The following EPHA6 variants were observed in gnomAD, a reference collection of about 807,000 sequenced individuals.
EPHA6 encodes the protein ephrin type-A receptor 6.
Under a neutral mutation model 112.0 loss-of-function variants are expected in EPHA6, and 50 were observed. That is an observed-to-expected ratio of 0.45 (90% CI 0.36 to 0.56). EPHA6 has a LOEUF of 0.56. Among genes scored for constraint, EPHA6 ranks in the 20% least tolerant of loss-of-function variants. EPHA6 has a pLI of 0.00. For synonymous variants in EPHA6, 529 were observed against 490.7 expected (o/e 1.08, Z -1.03); for missense variants, 1,280 against 1,417.4 (o/e 0.90, Z 1.56).
Position 97,749,238 on chromosome 3 carries a change from A to G in EPHA6, c.*537A>G, listed in dbSNP as rs1206387910. 2 of 218,316 alleles carry G rather than the reference A, an allele frequency of 9.2e-6. No homozygotes were observed. Among genetic ancestry groups the G allele is most frequent in the Non-Finnish European group, 1.8e-5 (2 of 108,770 alleles). The allele number at this position is 218,316 out of a possible 1,614,324, so 13.5% of individuals were successfully genotyped here. A position where few individuals can be genotyped will look rare whatever the true frequency, so the allele number is the denominator to read the frequency against. On this transcript the variant is annotated 3_prime_UTR_variant, in exon 18 of 18. Transcript: ENST00000389672. ...CTGATATTGTTAGAATTATTTGCAG[A>G]AATGACCAGTGATATCATGTAATGA...
At chr3:97,032,570 T>C (rs944436353) in intron 3 of EPHA6, among the ~76,000 whole-genome samples, 1 of 152,018 alleles carries the variant, frequency 6.6e-6, no homozygotes, top group Non-Finnish European at 1.5e-5. Context: ...AATTCCTATT[T>C]TGTGTATTTA....
Position 97,489,459 on chromosome 3 carries a change from G to A in EPHA6, c.2200+5400G>A, listed in dbSNP as rs1271686688. On this transcript the variant is annotated intron_variant, in intron 10 of 17. Coordinates refer to ENST00000389672, the MANE Select transcript of EPHA6 (RefSeq NM_001080448.3). ...CCAGCATGTTGGGAGGCCCAGGCGG[G>A]TGGATCACGAGGTCAGGAGATCAAG... Among the ~76,000 whole-genome samples the A allele has an allele frequency of 2.0e-5, 3 of 152,308 alleles. No homozygotes were observed. In the East Asian group the frequency reaches 5.8e-4, roughly 29 times the overall value.
At chr3:97,389,497 T>TA (rs1392451531) in intron 5 of EPHA6, among the ~76,000 whole-genome samples, 1 of 152,212 alleles carries the variant, frequency 6.6e-6, no homozygotes, top group African/African-American at 2.4e-5. Context: ...TTTATTTTCA[T>TA]ACCTACTATA....
At chr3:97,401,594 C>A (rs191306223) in intron 5 of EPHA6, among the ~76,000 whole-genome samples, 3 of 151,372 alleles carry the variant, frequency 2.0e-5, no homozygotes, top group African/African-American at 7.2e-5. Context: ...GTTAAAGGTT[C>A]GTCAATTTTG....
At chr3:97,311,780 T>A (rs1399618711) in intron 5 of EPHA6, among the ~76,000 whole-genome samples, 1 of 123,690 alleles carries the variant, frequency 8.1e-6, no homozygotes, top group Non-Finnish European at 1.5e-5. Flanking sequence ...CCTTTACAAT[T>A]TTTTATTTGT....
At chr3:97,169,156 T>C (rs545312334) in intron 3 of EPHA6, among the ~76,000 whole-genome samples, 85 of 152,290 alleles carry the variant, frequency 5.6e-4, no homozygotes, top group Non-Finnish European at 1.2e-3. Flanking sequence ...TGTTTCTTCA[T>C]TTGAGATCCA....
chr3:96,868,297 G>T (rs2036443273), intron 2 of EPHA6, among the ~76,000 whole-genome samples: 1 of 151,390 alleles, frequency 6.6e-6, no homozygotes, highest in Non-Finnish European at 1.5e-5. Flanking sequence ...TTCTTTTTTA[G>T]TGAAGAGGAT....
chr3:97,634,621 C>A (rs966720281), intron 13 of EPHA6, among the ~76,000 whole-genome samples: 5 of 152,026 alleles, frequency 3.3e-5, no homozygotes, highest in African/African-American at 1.2e-4. Context: ...CTAGGGAATG[C>A]TCTTGGCTAA....
At chr3:96,882,227 C>G (rs373935109) in intron 2 of EPHA6, among the ~76,000 whole-genome samples, 2 of 152,228 alleles carry the variant, frequency 1.3e-5, no homozygotes, top group Non-Finnish European at 1.5e-5. Context: ...CCCTTCCACA[C>G]TGCCTTAGCA....
intron 2 of EPHA6, among the ~76,000 whole-genome samples, chr3:96,933,502 A>C (rs746859935): frequency 3.3e-5 from 5 of 152,168 alleles, no homozygotes; most frequent in African/African-American, 1.2e-4. Flanking sequence ...CAAATAGTTA[A>C]GTTTCTTAGA....
At chr3:96,984,721 G>A (rs1414525202) in intron 2 of EPHA6, among the ~76,000 whole-genome samples, 1 of 152,188 alleles carries the variant, frequency 6.6e-6, no homozygotes, top group Non-Finnish European at 1.5e-5. Context: ...CTTCCCCACT[G>A]CTTTGTTTAC....
intron 3 of EPHA6, among the ~76,000 whole-genome samples, chr3:97,071,688 T>G (rs555246717): frequency 3.3e-5 from 5 of 152,168 alleles, no homozygotes; most frequent in Admixed American, 3.3e-4. Context: ...TAATTCAAGT[T>G]GAGATTTGGG....
intron 7 of EPHA6, among the ~76,000 whole-genome samples, chr3:97,459,890 T>C (rs1419560824): frequency 6.6e-6 from 1 of 152,226 alleles, no homozygotes; most frequent in Non-Finnish European, 1.5e-5. Context: ...TCTCTGACAG[T>C]TCATATTTGG....
intron 3 of EPHA6, among the ~76,000 whole-genome samples, chr3:97,065,865 A>G (rs78497455): frequency 0.092 from 13,970 of 152,040 alleles, 1,014 homozygotes; most frequent in Admixed American, 0.22. Flanking sequence ...AAATATTTGT[A>G]AAAGCAACTT....
intron 5 of EPHA6, among the ~76,000 whole-genome samples, chr3:97,255,074 C>T (rs1294482193): frequency 2.0e-5 from 3 of 151,828 alleles, no homozygotes; most frequent in Non-Finnish European, 4.4e-5. Flanking sequence ...TGAATGTTCA[C>T]AAATCTTTAA....
chr3:97,348,678 TAA>T (rs1388592737), intron 5 of EPHA6, among the ~76,000 whole-genome samples: 1 of 152,038 alleles, frequency 6.6e-6, no homozygotes, highest in Non-Finnish European at 1.5e-5. Flanking sequence ...AAGAGTTAGG[TAA>T]AATATTAAAT....
chr3:96,903,103 C>T (rs1480473215), intron 2 of EPHA6, among the ~76,000 whole-genome samples: 1 of 152,056 alleles, frequency 6.6e-6, no homozygotes, highest in Non-Finnish European at 1.5e-5. Flanking sequence ...AGGGAGTCTA[C>T]CTGATAAAGT....
chr3:97,498,330 CAAAAAAAA>C lies in EPHA6; in HGVS notation c.2200+14284_2200+14291del, dbSNP rs1297962805. Among the ~76,000 whole-genome samples the C allele has an allele frequency of 1.4e-4, 8 of 58,500 alleles. No homozygotes were observed. In the East Asian group the frequency reaches 4.2e-3, roughly 31 times the overall value. The allele number at this position is 58,500 out of a possible 152,430, so 38.4% of individuals were successfully genotyped here. ...CCAAAGAAAAGCCAAAAGAAAATAG[CAAAAAAAA>C]AAAAAAAAAAAATGGAGTCTGTCCC... On this transcript the variant is annotated intron_variant, in intron 10 of 17. Coordinates refer to ENST00000389672, the MANE Select transcript of EPHA6 (RefSeq NM_001080448.3).
chr3:97,748,525 C>G (rs1396156823), intron 17 of EPHA6, 62 bp from the exon 18 acceptor site: 1 of 780,146 alleles, frequency 1.3e-6, no homozygotes, highest in Non-Finnish European at 2.3e-6. Flanking sequence ...GTATCTCTCT[C>G]TCTCTCTCTC....
Sources: gnomAD v4.1 joint callset for allele counts (sites outside exome capture counted in the v4.1 genomes callset) on GRCh38, gnomAD v4.1.1 for gene constraint, MANE v1.5 for transcripts, NCBI Gene and HGNC (gene_info 2026-07-23, HGNC 2026-07-21) for gene names.